CUEDC1: variants seen among roughly 807,000 people sequenced by gnomAD.
CUEDC1 encodes CUE domain-containing protein 1.
In CUEDC1, 30 loss-of-function variants were observed where a neutral mutation model predicts 43.7. The observed-to-expected ratio is 0.69, with a 90% CI of 0.51 to 0.93. The LOEUF (loss-of-function observed/expected upper bound fraction) is 0.93, where lower values mean the gene tolerates loss of function less well. CUEDC1 is among the 40% of genes least tolerant of loss of function. The pLI, the probability that CUEDC1 is intolerant of heterozygous loss-of-function variation, is 0.00. For missense variants in CUEDC1, 486 were observed against 549.0 expected (o/e 0.89, Z 1.15); for synonymous variants, 223 against 223.6 (o/e 1.00, Z 0.02).
At chr17:57,937,942 A>T (rs1047575208) in intron 1 of CUEDC1, among the ~76,000 whole-genome samples, 1 of 152,180 alleles carries the variant, frequency 6.6e-6, no homozygotes, top group Non-Finnish European at 1.5e-5. Flanking sequence ...AATTCTGCCT[A>T]GGTAGGAAAT....
At chr17:57,932,584 CAAAAAAAAAAA>C (rs58304648) in intron 1 of CUEDC1, among the ~76,000 whole-genome samples, 2 of 46,488 alleles carry the variant, frequency 4.3e-5, no homozygotes, top group South Asian at 2.2e-3. Flanking sequence ...GACTCTGTCT[CAAAAAAAAAAA>C]AAAAAAAAAA....
chr17:57,868,272 C>A (rs148733333), intron 7 of CUEDC1, 29 bp from the exon 8 acceptor site: 13 of 1,596,630 alleles, frequency 8.1e-6, no homozygotes, highest in Non-Finnish European at 1.1e-5. Context: ...GTGAGTCATT[C>A]TCTCAGCAGC....
intron 4 of CUEDC1, 24 bp downstream of exon 4, chr17:57,873,567 G>A: frequency 4.6e-6 from 7 of 1,524,540 alleles, no homozygotes; most frequent in Non-Finnish European, 5.3e-6. Flanking sequence ...GGTGGGAGTG[G>A]AAGGCGGGGG....
chr17:57,905,807 G>A (rs2074525351), intron 1 of CUEDC1, among the ~76,000 whole-genome samples: 1 of 152,208 alleles, frequency 6.6e-6, no homozygotes, highest in Admixed American at 6.5e-5. Context: ...AGACGTCTGG[G>A]TGGATATGCA....
intron 1 of CUEDC1, among the ~76,000 whole-genome samples, chr17:57,907,734 TA>T (rs201584668): frequency 0.016 from 2,339 of 150,730 alleles, 30 homozygotes; most frequent in Middle Eastern, 0.048. Flanking sequence ...TAATCCCAGC[TA>T]TTCAGGAGGC....
intron 6 of CUEDC1, among the ~76,000 whole-genome samples, chr17:57,870,438 G>A (rs948203475): frequency 1.3e-5 from 2 of 152,208 alleles, no homozygotes; most frequent in Non-Finnish European, 2.9e-5. Flanking sequence ...CTAGGGCAAG[G>A]CCCAACAGAT....
intron 1 of CUEDC1, among the ~76,000 whole-genome samples, chr17:57,948,339 T>G (rs1379765246): frequency 6.6e-6 from 1 of 152,098 alleles, no homozygotes; most frequent in Non-Finnish European, 1.5e-5. Flanking sequence ...CGGCTTGGAC[T>G]CCATCCCCGA....
chr17:57,899,260 C>G (rs977041659), intron 1 of CUEDC1, among the ~76,000 whole-genome samples: 6 of 152,168 alleles, frequency 3.9e-5, no homozygotes, highest in African/African-American at 1.4e-4. Flanking sequence ...GCTGCACCCC[C>G]CCAACCACAG....
intron 1 of CUEDC1, chr17:57,922,606 T>G (rs894252352): frequency 6.6e-6 from 1 of 152,154 alleles, no homozygotes; most frequent in Non-Finnish European, 1.5e-5. Context: ...AATTCCAGAT[T>G]CACTATTTAA....
chr17:57,866,086 G>A (rs934300635), intron 10 of CUEDC1, among the ~76,000 whole-genome samples: 21 of 152,138 alleles, frequency 1.4e-4, no homozygotes, highest in African/African-American at 4.1e-4. Flanking sequence ...GCCTCCCAAA[G>A]TGCTGGGATT....
Position 57,934,567 on chromosome 17 carries a change from A to C in CUEDC1, c.-316+20658T>G, listed in dbSNP as rs1162637686. ...GCAAGACCCTGTCTCTCTAAAAAAAAAAAAAAAAAAAAAAAAAAAGGAAAG... is the reference window on the plus strand; with the variant it reads ...GCAAGACCCTGTCTCTCTAAAAAAACAAAAAAAAAAAAAAAAAAAGGAAAG... On this transcript the variant is annotated intron_variant, in intron 1 of 10. Transcript: ENST00000577830. Among the ~76,000 whole-genome samples the C allele has an allele frequency of 9.4e-5, 12 of 128,262 alleles. No homozygotes were observed. In the East Asian group the frequency reaches 2.4e-3, roughly 26 times the overall value. The allele number at this position is 128,262 out of a possible 152,430, so 84.1% of individuals were successfully genotyped here. A position where few individuals can be genotyped will look rare whatever the true frequency, so the allele number is the denominator to read the frequency against.
chr17:57,935,389 A>ACG (rs2074850519), intron 1 of CUEDC1, among the ~76,000 whole-genome samples: 1 of 143,302 alleles, frequency 7.0e-6, no homozygotes, highest in Admixed American at 6.9e-5. Context: ...ACACACACAC[A>ACG]CACACACACA....
intron 8 of CUEDC1, chr17:57,867,695 G>A: frequency 3.7e-6 from 2 of 541,976 alleles, no homozygotes; most frequent in Non-Finnish European, 6.6e-6. Flanking sequence ...CCTAGGCCCT[G>A]TTTGAGAAGC....
intron 1 of CUEDC1, among the ~76,000 whole-genome samples, chr17:57,933,343 CA>C (rs2074828250): frequency 6.6e-6 from 1 of 152,042 alleles, no homozygotes; most frequent in Non-Finnish European, 1.5e-5. Flanking sequence ...TCCATTAGAC[CA>C]AATCTCTCCA....
At chr17:57,867,574 T>G in intron 8 of CUEDC1, 159 bp from the exon 9 acceptor site, 1 of 666,658 alleles carries the variant, frequency 1.5e-6, no homozygotes, top group Non-Finnish European at 2.7e-6. Context: ...AGGCTCATTT[T>G]CCTGAGGTCA....
chr17:57,871,609 A>G (rs2074035798), intron 5 of CUEDC1, among the ~76,000 whole-genome samples: 1 of 152,234 alleles, frequency 6.6e-6, no homozygotes, highest in Admixed American at 6.5e-5. Context: ...GAGACTGTAG[A>G]GTCCAAACCC....
At chr17:57,884,140 A>G (rs547146078) in intron 2 of CUEDC1, among the ~76,000 whole-genome samples, 3 of 141,540 alleles carry the variant, frequency 2.1e-5, no homozygotes, top group Non-Finnish European at 3.0e-5. Context: ...CTGATTCCTC[A>G]CTCCCTTTCC....
At chr17:57,946,803 C>T (rs2074963778) in intron 1 of CUEDC1, among the ~76,000 whole-genome samples, 1 of 152,146 alleles carries the variant, frequency 6.6e-6, no homozygotes, top group South Asian at 2.1e-4. Flanking sequence ...TCTTCATACG[C>T]TCCCTCCTGC....
chr17:57,874,450 A>G (rs1243843733), intron 3 of CUEDC1, among the ~76,000 whole-genome samples: 1 of 152,166 alleles, frequency 6.6e-6, no homozygotes, highest in African/African-American at 2.4e-5. Context: ...CGCTCTTTCC[A>G]GGCCCGTTGT....
Sources: allele counts gnomAD v4.1 joint callset (sites outside exome capture counted in the v4.1 genomes callset), GRCh38; gene constraint gnomAD v4.1.1; transcripts MANE v1.5; gene names NCBI Gene and HGNC (gene_info 2026-07-23, HGNC 2026-07-21).